OS9: variants seen among roughly 807,000 people sequenced by gnomAD.
The protein encoded by OS9 is protein OS-9.
OS9 carries 58 observed loss-of-function variants against 84.7 expected under a neutral mutation model. The observed-to-expected ratio is 0.68, with a 90% CI of 0.55 to 0.85. OS9 has a LOEUF of 0.85. Ranked by LOEUF, OS9 falls within the 40% of genes least tolerant of loss-of-function variation. The pLI is 0.00. For synonymous variants in OS9, 278 were observed against 320.8 expected (o/e 0.87, Z 1.43); for missense variants, 760 against 850.9 (o/e 0.89, Z 1.33).
chr12:57,719,436 G>A (rs558919346), intron 12 of OS9: 2 of 508,798 alleles, frequency 3.9e-6, no homozygotes, highest in Admixed American at 6.7e-5. Context: ...TGTACACCCA[G>A]TGCCTAGCAC....
intron 5 of OS9, among the ~76,000 whole-genome samples, chr12:57,708,060 T>G (rs554049538): frequency 6.6e-6 from 1 of 152,114 alleles, no homozygotes; most frequent in African/African-American, 2.4e-5. Context: ...ACCACTGCAC[T>G]CCAGCTTGGT....
intron 5 of OS9, among the ~76,000 whole-genome samples, chr12:57,696,820 C>A (rs905480536): frequency 4.6e-5 from 7 of 151,266 alleles, no homozygotes; most frequent in African/African-American, 1.7e-4. Context: ...AAAAAAAAAC[C>A]CACATTATTT....
intron 5 of OS9, among the ~76,000 whole-genome samples, chr12:57,699,431 G>GGGAAGAAGAGGGTTTTGCC (rs1240295862): frequency 2.6e-5 from 4 of 152,184 alleles, no homozygotes; most frequent in Admixed American, 2.6e-4. Flanking sequence ...CTAAGAGCAT[G>GGGAAGAAGAGGGTTTTGCC]GGAAGAAGAG....
intron 5 of OS9, among the ~76,000 whole-genome samples, chr12:57,713,795 G>A (rs1317393246): frequency 6.6e-6 from 1 of 151,298 alleles, no homozygotes; most frequent in Non-Finnish European, 1.5e-5. Flanking sequence ...GATTGAGGGA[G>A]CATGTCATGG....
intron 11 of OS9, among the ~76,000 whole-genome samples, chr12:57,718,663 G>A (rs1954584754): frequency 6.6e-6 from 1 of 152,152 alleles, no homozygotes; most frequent in South Asian, 2.1e-4. Flanking sequence ...CCAGCACTTT[G>A]GGAGGCCGAG....
In OS9 at chr12:57,717,884, G is replaced by T; in HGVS notation, c.1060G>T (p.Val354Leu). The part of the protein sequence containing the change: ...SGAPNDFQNN[V>L]QVKVIRSPAD... ...TTTCATCTCAGATTTTCAGAACAAC[G>T]TGCAGGTCAAAGTCATTCGAAGCCC... Residue 354 changes from valine to leucine, a missense_variant, in exon 10 of 15, where the codon GTG becomes TTG. By Grantham distance (32) the Val-to-Leu change is conservative (BLOSUM62 1). Transcript: ENST00000315970. 1 of 1,602,536 alleles carries T rather than the reference G, an allele frequency of 6.2e-7. No individual in the cohort carries two copies. Among genetic ancestry groups the T allele is most frequent in the Middle Eastern group, 1.7e-4 (1 of 6,006 alleles).
In OS9 at chr12:57,694,860, T is replaced by C. The variant is rs1246267705; in HGVS notation, c.273T>C (p.Pro91=). 1.2e-6 allele frequency: 2 copies of C among 1,614,036 alleles called. No individual in the cohort carries two copies. The highest frequency in any genetic ancestry group is 2.7e-5 in the African/African-American group (2 of 74,914). Residue 91 remains proline, a synonymous_variant, in exon 2 of 15, where the codon CCT becomes CCC. Coordinates refer to ENST00000315970, the MANE Select transcript of OS9 (RefSeq NM_006812.4). ...AGCGTGAAAGGGAGGAGGAAACACC[T>C]GCTTACCAAGGGCCTGGGATCCCTG... ...HFQREREEET[P]AYQGPGIPEL...
intron 5 of OS9, among the ~76,000 whole-genome samples, chr12:57,712,975 TG>T (rs1311557293): frequency 3.9e-5 from 6 of 152,176 alleles, no homozygotes; most frequent in African/African-American, 1.4e-4. Context: ...GTTTTTGACA[TG>T]TGGGGCATAA....
At chr12:57,708,271 C>G (rs946315942) in intron 5 of OS9, among the ~76,000 whole-genome samples, 15 of 101,568 alleles carry the variant, frequency 1.5e-4, no homozygotes, top group African/African-American at 4.5e-4. Flanking sequence ...TTTATATACT[C>G]TGAGATTTTT....
intron 5 of OS9, among the ~76,000 whole-genome samples, chr12:57,705,043 T>C (rs1053014263): frequency 7.2e-5 from 11 of 152,244 alleles, no homozygotes; most frequent in African/African-American, 2.7e-4. Flanking sequence ...CCTCCTCAGT[T>C]ATTTACCAAG....
chr12:57,701,388 G>T (rs1390388079), intron 5 of OS9, among the ~76,000 whole-genome samples: 3 of 147,622 alleles, frequency 2.0e-5, no homozygotes, highest in African/African-American at 7.5e-5. Context: ...CGATTCTGCT[G>T]CCTCAGCCTC....
At chr12:57,701,096 AC>A (rs1388620137) in intron 5 of OS9, among the ~76,000 whole-genome samples, 1 of 152,042 alleles carries the variant, frequency 6.6e-6, no homozygotes, top group Non-Finnish European at 1.5e-5. Flanking sequence ...AGAAACAACC[AC>A]AACCCTCACT....
Position 57,715,941 on chromosome 12 carries a change from A to ATT in OS9, c.761_762insTT (p.Glu254AspfsTer21). 6.2e-7 allele frequency: 1 copy of ATT among 1,612,808 alleles called. No individual in the cohort carries two copies. Among genetic ancestry groups the ATT allele is most frequent in the Non-Finnish European group, 8.5e-7 (1 of 1,179,386 alleles). On this transcript the variant is annotated frameshift_variant, in exon 6 of 15. Transcript: ENST00000315970. LOFTEE classifies it high-confidence loss of function. ...TGTCACCCTTCCCTACAGCCTGAGG[A>ATT]GTACATGGCCTACGTTCAGAGGCAA... is the stretch of plus-strand genomic sequence containing the variant.
In OS9 at chr12:57,716,009, G is replaced by A. The variant is rs760683982; in HGVS notation, c.790+39G>A. ...GAAGGAGGAGAAGACGGGGAGATACGGGGGCAGGGGGTGGCAAAAGATCAA... is the reference window on the plus strand; with the variant it reads ...GAAGGAGGAGAAGACGGGGAGATACAGGGGCAGGGGGTGGCAAAAGATCAA... On this transcript the variant is annotated intron_variant, in intron 6 of 14. Coordinates refer to ENST00000315970, the MANE Select transcript of OS9 (RefSeq NM_006812.4). The A allele has an allele frequency of 6.2e-6, 10 of 1,601,292 alleles. No individual in the cohort carries two copies. In the East Asian group the frequency reaches 8.9e-5, roughly 14 times the overall value.
At chr12:57,704,954 AC>A (rs545361742) in intron 5 of OS9, among the ~76,000 whole-genome samples, 112 of 152,286 alleles carry the variant, frequency 7.4e-4, no homozygotes, top group African/African-American at 2.6e-3. Context: ...TAAGGTTAGG[AC>A]CTAGATACAC....
intron 5 of OS9, among the ~76,000 whole-genome samples, chr12:57,707,022 A>C (rs1424425341): frequency 6.6e-6 from 1 of 152,116 alleles, no homozygotes; most frequent in Non-Finnish European, 1.5e-5. Context: ...ATAATTTCAT[A>C]GGCCATTATT....
intron 5 of OS9, among the ~76,000 whole-genome samples, chr12:57,698,443 A>G (rs144761072): frequency 8.9e-4 from 135 of 152,330 alleles, no homozygotes; most frequent in Non-Finnish European, 1.9e-4. Context: ...AGGAACAAAA[A>G]GGTGGATGAG....
Position 57,715,923 on chromosome 12 carries a change from C to T in OS9, c.743C>T (p.Pro248Leu). The change falls in exon 6 of 15, where the codon CCT (proline) becomes CTT (leucine). Residue 248 changes from proline (P) to leucine (L), a missense_variant. By Grantham distance (98) the Pro-to-Leu change is moderately conservative (BLOSUM62 -3). Transcript: ENST00000315970. ...SAAPQAILCH[P>L]SLQPEEYMAY... ...GCACCGCAGGCCATCCTCTGTCACCCTTCCCTACAGCCTGAGGAGTACATG... is the reference window on the plus strand; with the variant it reads ...GCACCGCAGGCCATCCTCTGTCACCTTTCCCTACAGCCTGAGGAGTACATG... The T allele has an allele frequency of 1.2e-6, 2 of 1,613,378 alleles. No individual in the cohort carries two copies. Among genetic ancestry groups the T allele is most frequent in the Non-Finnish European group, 1.7e-6 (2 of 1,179,630 alleles).
At chr12:57,695,630 A>T (rs3825078) in intron 2 of OS9, 150 bp from the exon 3 acceptor site, 428,029 of 722,874 alleles carry the variant, frequency 0.59, 132,211 homozygotes, top group Non-Finnish European at 0.67. Flanking sequence ...CTCCTTACTG[A>T]AAGTCTGGAG....
Sources: allele counts gnomAD v4.1 joint callset (sites outside exome capture counted in the v4.1 genomes callset), GRCh38; gene constraint gnomAD v4.1.1; transcripts MANE v1.5; gene names NCBI Gene and HGNC (gene_info 2026-07-23, HGNC 2026-07-21).